The following KIF18A variants were observed in gnomAD, a reference collection of about 807,000 sequenced individuals.
KIF18A encodes kinesin-like protein KIF18A.
Under a neutral mutation model 103.3 loss-of-function variants are expected in KIF18A, and 67 were observed. The ratio of observed to expected loss-of-function variants is 0.65; its 90% CI spans 0.53 to 0.79. The LOEUF is 0.79. KIF18A is among the 30% of genes least tolerant of loss of function. The pLI is 0.00. For missense variants in KIF18A, 1,032 were observed against 1,062.5 expected (o/e 0.97, Z 0.40); for synonymous variants, 367 against 355.5 (o/e 1.03, Z -0.36).
At chr11:28,083,121 T>C in intron 8 of KIF18A, 48 bp downstream of exon 8, 1 of 1,557,022 alleles carries the variant, frequency 6.4e-7, no homozygotes, top group Non-Finnish European at 8.6e-7. Flanking sequence ...TAAAATTCTA[T>C]AAATGAAGAA....
intron 15 of KIF18A, among the ~76,000 whole-genome samples, chr11:28,031,889 GACA>G (rs1157387897): frequency 6.6e-6 from 1 of 151,702 alleles, no homozygotes; most frequent in Non-Finnish European, 1.5e-5. Context: ...AGAGCAATCA[GACA>G]AGAGAAAGAA....
intron 5 of KIF18A, 92 bp downstream of exon 5, chr11:28,090,524 AT>A (rs1043515688): frequency 1.0e-5 from 8 of 761,982 alleles, no homozygotes; most frequent in East Asian, 1.0e-4. Flanking sequence ...CTACAGACAG[AT>A]TTTTTTCACA....
intron 15 of KIF18A, among the ~76,000 whole-genome samples, chr11:28,032,841 A>G (rs1850429066): frequency 6.6e-6 from 1 of 151,864 alleles, no homozygotes; most frequent in South Asian, 2.1e-4. Flanking sequence ...TACACAGGGA[A>G]CCAAAGCAAA....
At position 28,021,043 on chromosome 11, in the gene KIF18A, CAA is replaced by C. The variant is rs1296277833; in HGVS notation, c.*155_*156del. 5 of 579,266 alleles carry C rather than the reference CAA, an allele frequency of 8.6e-6. No individual in the cohort carries two copies. The highest frequency in any genetic ancestry group is 1.9e-5 in the African/African-American group (1 of 51,530). The allele number at this position is 579,266 out of a possible 1,614,324, so 35.9% of individuals were successfully genotyped here. A position where few individuals can be genotyped will look rare whatever the true frequency, so the allele number is the denominator to read the frequency against. On this transcript the variant is annotated 3_prime_UTR_variant, in exon 17 of 17. Transcript: ENST00000263181. ...TTTTTTAGAACACAAAAGAAGAAAA[CAA>C]AGAGTTTCATTTTTCTGCTTGCTGA...
intron 13 of KIF18A, among the ~76,000 whole-genome samples, chr11:28,039,047 T>C (rs1404689815): frequency 6.6e-6 from 1 of 151,638 alleles, no homozygotes; most frequent in Non-Finnish European, 1.5e-5. Flanking sequence ...ACTTGGATTC[T>C]ATTTCTGGCT....
chr11:28,095,178 T>C (rs1038323420), intron 2 of KIF18A, among the ~76,000 whole-genome samples: 1 of 152,234 alleles, frequency 6.6e-6, no homozygotes, highest in African/African-American at 2.4e-5. Context: ...TTTACATAAG[T>C]TCAAATTCCT....
intron 3 of KIF18A, among the ~76,000 whole-genome samples, chr11:28,092,360 AT>A (rs1851317951): frequency 6.6e-6 from 1 of 152,202 alleles, no homozygotes. Flanking sequence ...CTAATAATAA[AT>A]TTCAAAAGGA....
Position 28,062,394 on chromosome 11 carries a change from C to G in KIF18A, c.1712+1G>C. 2 of 1,604,742 alleles carry G rather than the reference C, an allele frequency of 1.2e-6. No homozygotes were observed. Among genetic ancestry groups the G allele is most frequent in the Non-Finnish European group, 8.5e-7 (1 of 1,175,442 alleles). ...GAAAATAGGTAAATGTATGTACTCACGCTTCAGTCTGCCTGTGTTGCTGTT... is the reference window on the plus strand; with the variant it reads ...GAAAATAGGTAAATGTATGTACTCAGGCTTCAGTCTGCCTGTGTTGCTGTT... On this transcript the variant is annotated splice_donor_variant, in intron 12 of 16. Transcript: ENST00000263181. LOFTEE classifies it high-confidence loss of function.
intron 1 of KIF18A, among the ~76,000 whole-genome samples, chr11:28,106,551 CAAA>C (rs11301094): frequency 2.3e-4 from 19 of 82,304 alleles, no homozygotes; most frequent in Admixed American, 3.9e-4. Flanking sequence ...CAGTTGTCAG[CAAA>C]AAAAAAAAAA....
In KIF18A at chr11:28,020,855, A is replaced by T. The variant is rs1014107845; in HGVS notation, c.*345T>A. ...TTCTAAATTCTTATTTTTAAAAAAT[A>T]ATAAAGATAATTTAACTCACTACCA... On this transcript the variant is annotated 3_prime_UTR_variant, in exon 17 of 17. Coordinates refer to ENST00000263181, the MANE Select transcript of KIF18A (RefSeq NM_031217.4). The T allele has an allele frequency of 6.5e-6, 1 of 154,118 alleles. No individual in the cohort carries two copies. The highest frequency in any genetic ancestry group is 2.4e-5 in the African/African-American group (1 of 41,520). 9.5% of individuals were successfully genotyped at this position (154,118 alleles called of 1,614,324 possible).
At chr11:28,077,251 C>T (rs1285296987) in intron 9 of KIF18A, 82 bp from the exon 10 acceptor site, 1 of 934,334 alleles carries the variant, frequency 1.1e-6, no homozygotes, top group Non-Finnish European at 1.6e-6. Context: ...AATGCATAAA[C>T]AAAGGAATAT....
chr11:28,024,202 A>C (rs556387930), intron 15 of KIF18A, among the ~76,000 whole-genome samples: 21 of 151,446 alleles, frequency 1.4e-4, no homozygotes, highest in East Asian at 7.7e-4. Flanking sequence ...AAAAAAAAAA[A>C]AAAAAAAAAC....
intron 7 of KIF18A, 37 bp from the exon 8 acceptor site, chr11:28,083,280 GAT>G: frequency 6.6e-7 from 1 of 1,517,998 alleles, no homozygotes; most frequent in South Asian, 1.3e-5. Context: ...TTTATAGAGA[GAT>G]AATAATCACA....
At chr11:28,090,789 T>C in intron 4 of KIF18A, 62 bp from the exon 5 acceptor site, 1 of 790,988 alleles carries the variant, frequency 1.3e-6, no homozygotes, top group Non-Finnish European at 2.2e-6. Flanking sequence ...AATTTTTCAA[T>C]AAATGTTCAA....
At chr11:28,066,682 C>T (rs916155509) in intron 11 of KIF18A, among the ~76,000 whole-genome samples, 13 of 150,348 alleles carry the variant, frequency 8.6e-5, no homozygotes, top group African/African-American at 3.2e-4. Flanking sequence ...AATTTGACCT[C>T]CCCAATCTCC....
In KIF18A at chr11:28,058,949, C is replaced by G; in HGVS notation, c.1925G>C (p.Gly642Ala). The G allele has an allele frequency of 5.6e-6, 9 of 1,613,930 alleles. No homozygotes were observed. Among genetic ancestry groups the G allele is most frequent in the Non-Finnish European group, 7.6e-6 (9 of 1,179,924 alleles). Residue 642 changes from glycine to alanine, a missense_variant, in exon 13 of 17, where the codon GGA becomes GCA. Transcript: ENST00000263181. ...ISVLMTFPQLGPVQPIPCCSS... is the reference protein window; with the variant it reads ...ISVLMTFPQLAPVQPIPCCSS... ...ACAACAAGGAATAGGCTGAACTGGT[C>G]CAAGTTGTGGAAAGGTCATAAGAAC...
rs776722453 is a variant in KIF18A, at chr11:28,082,837, A to G, written c.1262+19T>C. 3 of 1,397,484 alleles carry G rather than the reference A, an allele frequency of 2.1e-6. No individual in the cohort carries two copies. Among genetic ancestry groups the G allele is most frequent in the Non-Finnish European group, 2.0e-6 (2 of 1,005,540 alleles). The allele number at this position is 1,397,484 out of a possible 1,614,324, so 86.6% of individuals were successfully genotyped here. A position where few individuals can be genotyped will look rare whatever the true frequency, so the allele number is the denominator to read the frequency against. On this transcript the variant is annotated intron_variant, in intron 9 of 16. Transcript: ENST00000263181. Reference sequence around the variant, plus strand: ...AAAACAATAAATTCCTCAAAATTAGATCTTAATGTAATGTTTACCTTTCGA... The same window carrying G: ...AAAACAATAAATTCCTCAAAATTAGGTCTTAATGTAATGTTTACCTTTCGA...
At chr11:28,086,593 A>G (rs948245551) in intron 6 of KIF18A, among the ~76,000 whole-genome samples, 7 of 152,244 alleles carry the variant, frequency 4.6e-5, no homozygotes, top group African/African-American at 1.7e-4. Context: ...AGCTAAGCAT[A>G]AAGTGAAATG....
intron 15 of KIF18A, among the ~76,000 whole-genome samples, chr11:28,029,707 A>G (rs1223491943): frequency 6.6e-6 from 1 of 150,788 alleles, no homozygotes; most frequent in Non-Finnish European, 1.5e-5. Flanking sequence ...AGGAAATAAA[A>G]GGTATTCAAT....
Sources: allele counts gnomAD v4.1 joint callset (sites outside exome capture counted in the v4.1 genomes callset), GRCh38; gene constraint gnomAD v4.1.1; transcripts MANE v1.5; gene names NCBI Gene and HGNC (gene_info 2026-07-23, HGNC 2026-07-21).